The following RGS10 variants were observed in gnomAD, a reference collection of about 807,000 sequenced individuals.
The protein encoded by RGS10 is regulator of G-protein signalling 10.
A neutral mutation model predicts 23.5 loss-of-function variants in RGS10; 11 were observed. The observed-to-expected ratio is 0.47, with a 90% CI of 0.29 to 0.77. The LOEUF (loss-of-function observed/expected upper bound fraction) is 0.77, where lower values mean the gene tolerates loss of function less well. Among genes scored for constraint, RGS10 ranks in the 30% least tolerant of loss-of-function variants. The pLI is 0.08. For synonymous variants in RGS10, 77 were observed against 83.2 expected, an observed-to-expected ratio of 0.92 and a Z score of 0.41; for missense variants, 180 against 226.3, an observed-to-expected ratio of 0.80 and a Z score of 1.31.
chr10:119,537,297 G>A (rs1483279733), intron 1 of RGS10, among the ~76,000 whole-genome samples: 1 of 150,616 alleles, frequency 6.6e-6, no homozygotes, highest in East Asian at 2.0e-4. Context: ...CAGGAGAATG[G>A]CTTGAACCCC....
At chr10:119,500,440 C>T (rs1237699733) in intron 4 of RGS10, among the ~76,000 whole-genome samples, 181 bp from the exon 5 acceptor site, 1 of 151,998 alleles carries the variant, frequency 6.6e-6, no homozygotes, top group Non-Finnish European at 1.5e-5. Context: ...GATTTTTGGT[C>T]ATTATGCAAT....
intron 1 of RGS10, among the ~76,000 whole-genome samples, chr10:119,537,949 T>C (rs978578665): frequency 4.6e-5 from 7 of 152,184 alleles, no homozygotes; most frequent in African/African-American, 1.4e-4. Context: ...GCCCAGTGTC[T>C]CTCCCCAGGA....
At chr10:119,501,197 T>C (rs1843949382) in intron 4 of RGS10, among the ~76,000 whole-genome samples, 1 of 152,206 alleles carries the variant, frequency 6.6e-6, no homozygotes, top group Admixed American at 6.5e-5. Flanking sequence ...GGCTATGATC[T>C]CTTTCCCACC....
intron 3 of RGS10, 139 bp from the exon 4 acceptor site, chr10:119,515,791 C>G (rs947096574): frequency 3.1e-5 from 30 of 973,630 alleles, no homozygotes; most frequent in Non-Finnish European, 4.3e-5. Flanking sequence ...GGCTCTCAGG[C>G]CACTCCAGAG....
chr10:119,522,563 CA>C (rs1336686143), intron 3 of RGS10, among the ~76,000 whole-genome samples: 1 of 152,024 alleles, frequency 6.6e-6, no homozygotes, highest in African/African-American at 2.4e-5. Context: ...ACTAAAAATA[CA>C]AAAATTAGCT....
intron 3 of RGS10, among the ~76,000 whole-genome samples, chr10:119,516,895 A>G (rs1844150872): frequency 6.6e-6 from 1 of 152,224 alleles, no homozygotes; most frequent in African/African-American, 2.4e-5. Flanking sequence ...CCTCGCCAAC[A>G]GCAAAAGCGG....
At chr10:119,522,717 T>TC (rs1418528116) in intron 3 of RGS10, among the ~76,000 whole-genome samples, 5 of 75,504 alleles carry the variant, frequency 6.6e-5, no homozygotes, top group African/African-American at 2.7e-4. Context: ...AAACTCCGTC[T>TC]CAAAAAAAAA....
chr10:119,526,814 C>T (rs1399824155), intron 2 of RGS10, among the ~76,000 whole-genome samples: 3 of 151,974 alleles, frequency 2.0e-5, no homozygotes, highest in East Asian at 3.9e-4. Flanking sequence ...CATCTGGCAC[C>T]GGGGGCTTCT....
chr10:119,524,399 C>G lies in RGS10; in HGVS notation c.255+1633G>C, dbSNP rs543382897. ...CACTTCCTTGTCTACACTGCAGGGG[C>G]GGACCGGCCCACCCACAGGCCCCTC... On this transcript the variant is annotated intron_variant, in intron 3 of 4. Coordinates refer to ENST00000369103, the MANE Select transcript of RGS10 (RefSeq NM_001005339.2). The surrounding 1 kb of genome is among the most constrained non-coding windows in gnomAD (Gnocchi z 5.2). Among the ~76,000 whole-genome samples the G allele has an allele frequency of 6.6e-6, 1 of 152,156 alleles. No homozygotes were observed. The highest frequency in any genetic ancestry group is 1.5e-5 in the Non-Finnish European group (1 of 68,032).
At chr10:119,528,318 A>T (rs1217825675) in intron 1 of RGS10, among the ~76,000 whole-genome samples, 3 of 152,062 alleles carry the variant, frequency 2.0e-5, no homozygotes, top group African/African-American at 7.2e-5. Context: ...TGCATGAGCC[A>T]CCGCGCCCAG....
At chr10:119,511,772 C>T (rs1027715921) in intron 4 of RGS10, among the ~76,000 whole-genome samples, 1 of 152,148 alleles carries the variant, frequency 6.6e-6, no homozygotes, top group African/African-American at 2.4e-5. Context: ...CATGGTGCGG[C>T]GTGTGGCAAT....
chr10:119,529,859 C>A (rs1023087266), intron 1 of RGS10, among the ~76,000 whole-genome samples: 1 of 152,032 alleles, frequency 6.6e-6, no homozygotes, highest in Non-Finnish European at 1.5e-5. Flanking sequence ...TTTGGGAGGC[C>A]GAGGCAGGCA....
rs978003293 is a variant in RGS10, at chr10:119,527,920, C to T, written c.50-496G>A. On this transcript the variant is annotated intron_variant, in intron 1 of 4. Transcript: ENST00000369103. This position sits in a 1 kb window ranked among gnomAD's most constrained non-coding sequence, Gnocchi z 4.2. ...CCAGCACCTAGCTCATTATCTGGCA[C>T]AGAGATTAAAAAACTCATTGCAGGA... Among the ~76,000 whole-genome samples the T allele has an allele frequency of 6.6e-6, 1 of 152,156 alleles. No homozygotes were observed. The highest frequency in any genetic ancestry group is 2.4e-5 in the African/African-American group (1 of 41,414).
chr10:119,541,820 A>G (rs1265607263), intron 1 of RGS10, among the ~76,000 whole-genome samples: 1 of 152,140 alleles, frequency 6.6e-6, no homozygotes, highest in Non-Finnish European at 1.5e-5. Context: ...GTGAAGGGAG[A>G]GTTCACCCAA....
chr10:119,527,058 C>T lies in RGS10; in HGVS notation c.168+248G>A, dbSNP rs1460203033. 2.6e-5 allele frequency among the ~76,000 whole-genome samples: 4 copies of T among 151,954 alleles called. No individual in the cohort carries two copies. Among genetic ancestry groups the T allele is most frequent in the Non-Finnish European group, 5.9e-5 (4 of 67,968 alleles). Reference sequence around the variant, plus strand: ...ACGGTATCTTCTCTCTCCTCCCACCCTGTACCCCTCCCACCTCACTACACA... The same window carrying T: ...ACGGTATCTTCTCTCTCCTCCCACCTTGTACCCCTCCCACCTCACTACACA... On this transcript the variant is annotated intron_variant, in intron 2 of 4. Transcript: ENST00000369103. This position sits in a 1 kb window ranked among gnomAD's most constrained non-coding sequence, Gnocchi z 4.2.
Position 119,527,390 on chromosome 10 carries a change from G to T in RGS10, c.84C>A (p.Ser28Arg). 1 of 1,614,210 alleles carries T rather than the reference G, an allele frequency of 6.2e-7. No individual in the cohort carries two copies. The highest frequency in any genetic ancestry group is 1.3e-5 in the African/African-American group (1 of 75,062). Reference protein sequence around the residue: ...IHDSDGSSSSSHQSLKSTAKW... With the variant: ...IHDSDGSSSSRHQSLKSTAKW... ...TGGCTGTGCTCTTGAGGCTCTGGTG[G>T]CTGCTGCTGGAACTGCCATCGCTGT... The change falls in exon 2 of 5, where the codon AGC becomes AGA. Residue 28 changes from serine (S) to arginine (R), a missense_variant. Physicochemically the swap from Ser to Arg is moderately radical, Grantham distance 110 (BLOSUM62 -1). Coordinates refer to ENST00000369103, the MANE Select transcript of RGS10 (RefSeq NM_001005339.2). This position sits in a 1 kb window ranked among gnomAD's most constrained non-coding sequence, Gnocchi z 4.2.
chr10:119,519,183 C>T (rs79717945), intron 3 of RGS10, among the ~76,000 whole-genome samples: 174 of 152,300 alleles, frequency 1.1e-3, no homozygotes, highest in African/African-American at 4.1e-3. Flanking sequence ...GAGCTGGCCC[C>T]AGCCCTGCTC....
At chr10:119,518,295 G>A (rs1418071109) in intron 3 of RGS10, among the ~76,000 whole-genome samples, 4 of 152,160 alleles carry the variant, frequency 2.6e-5, no homozygotes, top group Admixed American at 2.0e-4. Flanking sequence ...TCCAGCATCT[G>A]AGGCTGTCCT....
rs1439926019 is a variant in RGS10 at position 119,521,702 on chromosome 10, T to C, written c.255+4330A>G. ...AGAAAAGAAAATAGATCCTATACTATCCCAGAGAGGGAAAAAAAGAAAAAA... is the reference window on the plus strand; with the variant it reads ...AGAAAAGAAAATAGATCCTATACTACCCCAGAGAGGGAAAAAAAGAAAAAA... On this transcript the variant is annotated intron_variant, in intron 3 of 4. Transcript: ENST00000369103. 2.5e-5 allele frequency among the ~76,000 whole-genome samples: 3 copies of C among 121,368 alleles called. No individual in the cohort carries two copies. The East Asian group carries it at 6.9e-4, about 28-fold the overall frequency. The allele number at this position is 121,368 out of a possible 152,430, so 79.6% of individuals were successfully genotyped here.
Sources: gnomAD v4.1 joint callset for allele counts (sites outside exome capture counted in the v4.1 genomes callset) on GRCh38, gnomAD v4.1.1 for gene constraint, Gnocchi (gnomAD v3.1) non-coding constraint, MANE v1.5 for transcripts, NCBI Gene and HGNC (gene_info 2026-07-23, HGNC 2026-07-21) for gene names.